The following DMD variants were observed in gnomAD, a reference collection of about 807,000 sequenced individuals.
The protein encoded by DMD is mutant dystrophin.
DMD carries 63 observed loss-of-function variants against 330.1 expected under a neutral mutation model. That is an observed-to-expected ratio of 0.19 (90% confidence interval 0.16 to 0.24). The LOEUF is 0.24. Among genes scored for constraint, DMD ranks in the 10% least tolerant of loss-of-function variants. The pLI is 1.00. For missense variants in DMD, 3,344 were observed against 2,684.1 expected (o/e 1.25, Z -5.43); for synonymous variants, 1,223 against 959.8 (o/e 1.27, Z -5.07).
intron 49 of DMD, among the ~76,000 whole-genome samples, chrX:31,826,582 A>G: frequency 8.9e-6 from 1 of 112,379 alleles, no homozygotes; most frequent in Admixed American, 9.5e-5. Context: ...TTTGCATAAC[A>G]AAAAATGTTT....
At chrX:31,416,672 T>A (rs922522804) in intron 60 of DMD, among the ~76,000 whole-genome samples, 22 of 112,480 alleles carry the variant, frequency 2.0e-4, no homozygotes, top group African/African-American at 7.1e-4. Context: ...ATTGCACTTG[T>A]GGAGGACTTC....
chrX:31,142,894 C>A (rs1475202471), intron 76 of DMD, among the ~76,000 whole-genome samples: 1 of 112,276 alleles, frequency 8.9e-6, no homozygotes, highest in East Asian at 2.8e-4. Context: ...ATAAGTATTT[C>A]ATGGCTTGAG....
At chrX:32,838,326 G>A (rs927455791) in intron 4 of DMD, among the ~76,000 whole-genome samples, 1 of 110,553 alleles carries the variant, frequency 9.0e-6, no homozygotes, top group South Asian at 3.9e-4. Context: ...ATACACCTGC[G>A]ATAGTGGTTT....
At chrX:32,855,153 T>C (rs1287329461) in intron 2 of DMD, among the ~76,000 whole-genome samples, 2 of 111,609 alleles carry the variant, frequency 1.8e-5, no homozygotes, top group Non-Finnish European at 3.8e-5. Flanking sequence ...CTCTCAAAAC[T>C]GGGTATAGAA....
At chrX:32,160,209 G>GTT (rs201236399) in intron 44 of DMD, among the ~76,000 whole-genome samples, 2 of 92,150 alleles carry the variant, frequency 2.2e-5, no homozygotes, top group Admixed American at 1.2e-4. Context: ...TCCAACTTTG[G>GTT]TTTTTTTTTT....
At chrX:33,156,238 G>A (rs2048503461) in intron 1 of DMD, among the ~76,000 whole-genome samples, 2 of 111,998 alleles carry the variant, frequency 1.8e-5, no homozygotes, top group South Asian at 7.4e-4. Flanking sequence ...TTTCATCTCT[G>A]AGAATACTCC....
chrX:32,036,310 G>A (rs2095945915), intron 44 of DMD, among the ~76,000 whole-genome samples: 1 of 111,662 alleles, frequency 9.0e-6, no homozygotes, highest in African/African-American at 3.2e-5. Flanking sequence ...AAATTCCAGA[G>A]TCTAGGCAAG....
At chrX:31,492,076 G>A (rs1409669688) in intron 57 of DMD, among the ~76,000 whole-genome samples, 1 of 111,937 alleles carries the variant, frequency 8.9e-6, no homozygotes, top group South Asian at 3.7e-4. Flanking sequence ...CTAAATACTT[G>A]CGGAATAAGT....
At chrX:31,393,896 C>A (rs1301335778) in intron 60 of DMD, among the ~76,000 whole-genome samples, 1 of 111,986 alleles carries the variant, frequency 8.9e-6, no homozygotes, top group Non-Finnish European at 1.9e-5. Context: ...AAGGAGTCTT[C>A]ACTTTATGCA....
Position 32,584,518 on chromosome X carries a change from A to C in DMD, c.1603-10672T>G, listed in dbSNP as rs185713775. Among the ~76,000 whole-genome samples, 13 of 112,223 alleles carry C rather than the reference A, an allele frequency of 1.2e-4. No homozygotes were observed. The Admixed American group carries it at 1.2e-3, about 11-fold the overall frequency. The stretch of plus-strand genomic sequence containing the variant: ...TATTTGTAATGCTTCCGAACTGGAA[A>C]CAACCCCAATTTTCTGAACAGAATA... On this transcript the variant is annotated intron_variant, in intron 13 of 78. Transcript: ENST00000357033.
At chrX:32,757,973 AG>A (rs1367784133) in intron 7 of DMD, among the ~76,000 whole-genome samples, 7 of 111,576 alleles carry the variant, frequency 6.3e-5, no homozygotes, top group Non-Finnish European at 1.3e-4. Context: ...AAGAGGAGGG[AG>A]GAAAATAAAT....
At chrX:31,456,008 G>A (rs2066130388) in intron 59 of DMD, among the ~76,000 whole-genome samples, 1 of 110,965 alleles carries the variant, frequency 9.0e-6, no homozygotes, top group Admixed American at 9.6e-5. Flanking sequence ...GCCCAAAGAG[G>A]CCCTTGCAGG....
At chrX:33,219,306 T>TTGTGTGTGTGTGTGTGTGTGTG (rs56332488) in intron 1 of DMD, among the ~76,000 whole-genome samples, 1 of 72,976 alleles carries the variant, frequency 1.4e-5, no homozygotes, top group Non-Finnish European at 2.8e-5. Context: ...TTAGAGATTA[T>TTGTGTGTGTGTGTGTGTGTGTG]TGTGTGTGTG....
chrX:32,659,561 G>A (rs749621161), intron 9 of DMD, among the ~76,000 whole-genome samples: 4 of 110,989 alleles, frequency 3.6e-5, no homozygotes, highest in Admixed American at 1.9e-4. Flanking sequence ...GTAGCATCTC[G>A]GAAGCCTCAC....
intron 7 of DMD, among the ~76,000 whole-genome samples, chrX:32,774,928 G>C (rs780156134): frequency 8.9e-6 from 1 of 112,132 alleles, no homozygotes; most frequent in Admixed American, 9.4e-5. Context: ...AGTTCTCTCT[G>C]CCTACAAGCC....
chrX:31,238,089 C>T (rs2047910987), intron 63 of DMD, among the ~76,000 whole-genome samples: 1 of 111,688 alleles, frequency 9.0e-6, no homozygotes, highest in Admixed American at 9.5e-5. Context: ...AAAGCTTTAC[C>T]AATTTGAAGA....
intron 1 of DMD, among the ~76,000 whole-genome samples, chrX:33,183,580 T>G: frequency 9.0e-6 from 1 of 111,521 alleles, no homozygotes; most frequent in South Asian, 3.7e-4. Context: ...ACTGAGACTT[T>G]AGAGTTGAAC....
At chrX:32,720,864 T>A (rs139463175) in intron 7 of DMD, among the ~76,000 whole-genome samples, 3 of 111,744 alleles carry the variant, frequency 2.7e-5, no homozygotes, top group Non-Finnish European at 5.7e-5. Flanking sequence ...CATGTACACA[T>A]TGACTTATTT....
At chrX:32,731,908 G>C (rs1479689332) in intron 7 of DMD, among the ~76,000 whole-genome samples, 3 of 112,359 alleles carry the variant, frequency 2.7e-5, no homozygotes, top group Admixed American at 9.4e-5. Context: ...CAAAGCTGGA[G>C]AGAGGATGAC....
Sources: allele counts gnomAD v4.1 joint callset (sites outside exome capture counted in the v4.1 genomes callset), GRCh38; gene constraint gnomAD v4.1.1; transcripts MANE v1.5; gene names NCBI Gene and HGNC (gene_info 2026-07-23, HGNC 2026-07-21).